The following ITGAV variants were observed in gnomAD, a reference collection of about 807,000 sequenced individuals.
ITGAV encodes integrin alpha-V.
Under a neutral mutation model 143.8 loss-of-function variants are expected in ITGAV, and 76 were observed. The ratio of observed to expected loss-of-function variants is 0.53; its 90% CI spans 0.44 to 0.64. The LOEUF is 0.64. Ranked by LOEUF, ITGAV falls within the 30% of genes least tolerant of loss-of-function variation. The pLI, the probability that ITGAV is intolerant of heterozygous loss-of-function variation, is 0.00. For missense variants in ITGAV, 1,193 were observed against 1,274.7 expected (o/e 0.94, Z 0.98); for synonymous variants, 453 against 446.7 (o/e 1.01, Z -0.18).
chr2:186,673,562 A>G (rs1289055801), intron 26 of ITGAV, among the ~76,000 whole-genome samples: 2 of 151,776 alleles, frequency 1.3e-5, no homozygotes, highest in African/African-American at 4.8e-5. Flanking sequence ...TTATTCTACC[A>G]TTTTTTCAAC....
At chr2:186,666,820 A>G (rs201238726) in intron 22 of ITGAV, 37 bp downstream of exon 22, 29 of 1,104,980 alleles carry the variant, frequency 2.6e-5, no homozygotes, top group African/African-American at 9.5e-5. Context: ...TAACTATCAA[A>G]TAAATATTAT....
intron 1 of ITGAV, chr2:186,600,222 A>T: frequency 1.0e-6 from 1 of 954,680 alleles, no homozygotes; most frequent in Non-Finnish European, 1.6e-6. Context: ...GCTCCTGGAG[A>T]TTCAATTCTT....
intron 2 of ITGAV, among the ~76,000 whole-genome samples, chr2:186,606,952 G>A (rs1219905123): frequency 6.6e-6 from 1 of 151,940 alleles, no homozygotes; most frequent in African/African-American, 2.4e-5. Context: ...TAAAGTTTCT[G>A]CTCTTCGTCT....
intron 9 of ITGAV, 35 bp downstream of exon 9, chr2:186,638,355 C>G (rs769112241): frequency 1.9e-6 from 3 of 1,609,368 alleles, no homozygotes; most frequent in African/African-American, 2.7e-5. Flanking sequence ...TAAAAAATCT[C>G]TAAGTTATCT....
rs1357296603 is a variant in ITGAV, at chr2:186,679,966, A to T, written c.*2674A>T. The T allele has an allele frequency of 6.6e-6, 1 of 152,104 alleles. No individual in the cohort carries two copies. Among genetic ancestry groups the T allele is most frequent in the Non-Finnish European group, 1.5e-5 (1 of 67,946 alleles). 9.4% of individuals were successfully genotyped at this position (152,104 alleles called of 1,614,324 possible). ...ATAAAAGAGACTTTACTGGCTTAAG[A>T]GGGCTGTGAAAGATTTTTGATAGTG... is the stretch of plus-strand genomic sequence containing the variant. On this transcript the variant is annotated 3_prime_UTR_variant, in exon 30 of 30. Coordinates refer to ENST00000261023, the MANE Select transcript of ITGAV (RefSeq NM_002210.5).
intron 22 of ITGAV, 145 bp downstream of exon 22, chr2:186,666,928 A>G (rs949706110): frequency 8.9e-5 from 51 of 572,792 alleles, no homozygotes; most frequent in Non-Finnish European, 1.3e-4. Context: ...TTTACATTAT[A>G]AGAATAATTT....
At chr2:186,598,328 C>CACAG (rs910849407) in intron 1 of ITGAV, among the ~76,000 whole-genome samples, 12 of 144,554 alleles carry the variant, frequency 8.3e-5, no homozygotes, top group African/African-American at 3.0e-4. Context: ...CACACACACA[C>CACAG]AGAGTTTCAC....
intron 12 of ITGAV, among the ~76,000 whole-genome samples, chr2:186,644,922 A>C (rs1362866655): frequency 6.6e-6 from 1 of 152,148 alleles, no homozygotes; most frequent in East Asian, 1.9e-4. Flanking sequence ...TTGATGTTTC[A>C]GGGGAGCCAG....
intron 3 of ITGAV, 152 bp from the exon 4 acceptor site, chr2:186,625,321 A>C: frequency 1.7e-6 from 1 of 594,220 alleles, no homozygotes; most frequent in Non-Finnish European, 3.0e-6. Flanking sequence ...GCAGTGAGCC[A>C]TGATCACGTC....
At chr2:186,664,310 G>T (rs1688826902) in intron 19 of ITGAV, among the ~76,000 whole-genome samples, 184 bp from the exon 20 acceptor site, 1 of 152,142 alleles carries the variant, frequency 6.6e-6, no homozygotes, top group South Asian at 2.1e-4. Context: ...ATTGAGAGAA[G>T]CATTCGATTT....
rs1026649569 is a variant in ITGAV, at chr2:186,680,169, C to A, written c.*2877C>A. On this transcript the variant is annotated 3_prime_UTR_variant, in exon 30 of 30. Coordinates refer to ENST00000261023, the MANE Select transcript of ITGAV (RefSeq NM_002210.5). ...TGGAATACCTATGTGCAGCCACTAC[C>A]CATCTCAATGTCACCTTGTTTGCAT... The A allele has an allele frequency of 8.6e-5, 13 of 152,018 alleles. No homozygotes were observed. The highest frequency in any genetic ancestry group is 3.1e-4 in the African/African-American group (13 of 41,416). The allele number at this position is 152,018 out of a possible 1,614,324, so 9.4% of individuals were successfully genotyped here. A position where few individuals can be genotyped will look rare whatever the true frequency, so the allele number is the denominator to read the frequency against.
intron 11 of ITGAV, 114 bp from the exon 12 acceptor site, chr2:186,641,272 C>T: frequency 1.3e-6 from 1 of 753,658 alleles, no homozygotes; most frequent in Non-Finnish European, 2.2e-6. Flanking sequence ...TTTTGTGTTT[C>T]ACTGTGGGTG....
intron 22 of ITGAV, 119 bp downstream of exon 22, chr2:186,666,902 C>T: frequency 1.8e-6 from 1 of 561,702 alleles, no homozygotes. Context: ...TTGACTATAG[C>T]ATTTTAAAAT....
chr2:186,603,822 T>C (rs376011023), intron 2 of ITGAV, among the ~76,000 whole-genome samples: 1 of 151,992 alleles, frequency 6.6e-6, no homozygotes, highest in Non-Finnish European at 1.5e-5. Flanking sequence ...GGGTGTACAA[T>C]GAAACATACA....
chr2:186,632,988 G>C, intron 5 of ITGAV, among the ~76,000 whole-genome samples: 1 of 151,380 alleles, frequency 6.6e-6, no homozygotes, highest in Middle Eastern at 3.2e-3. Context: ...ATACTAGATA[G>C]ATAGATAGAT....
Position 186,669,692 on chromosome 2 carries a change from T to C in ITGAV, c.2593-9T>C. The C allele has an allele frequency of 6.3e-7, 1 of 1,586,048 alleles. No individual in the cohort carries two copies. Among genetic ancestry groups the C allele is most frequent in the Non-Finnish European group, 8.6e-7 (1 of 1,159,274 alleles). The stretch of plus-strand genomic sequence containing the variant: ...ATTTACCACCATTTTATTAATGTGA[T>C]TGCATTAGATCTCATCTTTGCAAAC... On this transcript the variant is annotated splice_polypyrimidine_tract_variant and intron_variant, in intron 25 of 29. Transcript: ENST00000261023.
At chr2:186,605,289 C>G (rs1280475262) in intron 2 of ITGAV, among the ~76,000 whole-genome samples, 4 of 152,136 alleles carry the variant, frequency 2.6e-5, no homozygotes, top group Non-Finnish European at 4.4e-5. Flanking sequence ...CTGTGCTGTG[C>G]CTCATAAACA....
intron 1 of ITGAV, among the ~76,000 whole-genome samples, chr2:186,598,542 A>G (rs1686812846): frequency 6.7e-6 from 1 of 149,048 alleles, no homozygotes; most frequent in Non-Finnish European, 1.5e-5. Context: ...GGTTCAAGTG[A>G]TTCTCCTGCC....
In ITGAV at chr2:186,677,715, A is replaced by G. The variant is rs1689254071; in HGVS notation, c.*423A>G. On this transcript the variant is annotated 3_prime_UTR_variant, in exon 30 of 30. Transcript: ENST00000261023. Reference sequence around the variant, plus strand: ...GGACCTTAGCAATCATGTCTTTTGTATAGGTACTTAATGTTAATACATATT... The same window carrying G: ...GGACCTTAGCAATCATGTCTTTTGTGTAGGTACTTAATGTTAATACATATT... The G allele has an allele frequency of 1.2e-5, 2 of 168,770 alleles. No individual in the cohort carries two copies. The highest frequency in any genetic ancestry group is 1.5e-4 in the South Asian group (1 of 6,636). The allele number at this position is 168,770 out of a possible 1,614,324, so 10.5% of individuals were successfully genotyped here.
Sources: gnomAD v4.1 joint callset for allele counts (sites outside exome capture counted in the v4.1 genomes callset) on GRCh38, gnomAD v4.1.1 for gene constraint, MANE v1.5 for transcripts, NCBI Gene and HGNC (gene_info 2026-07-23, HGNC 2026-07-21) for gene names.